The following ITIH5 variants were observed in gnomAD, a reference collection of about 807,000 sequenced individuals.
The protein encoded by ITIH5 is inter-alpha-trypsin inhibitor heavy chain H5.
In ITIH5, 65 loss-of-function variants were observed where a neutral mutation model predicts 77.5. The ratio of observed to expected loss-of-function variants is 0.84; its 90% CI spans 0.69 to 1.03. The LOEUF (loss-of-function observed/expected upper bound fraction) is 1.03. ITIH5 is among the 50% of genes least tolerant of loss of function. ITIH5 has a pLI of 0.00. For synonymous variants in ITIH5, 525 were observed against 494.3 expected (o/e 1.06, Z -0.82); for missense variants, 1,208 against 1,213.1 (o/e 1.00, Z 0.06).
chr10:7,666,744 G>C (rs2131125502), intron 1 of ITIH5, 59 bp downstream of exon 1: 1 of 1,424,116 alleles, frequency 7.0e-7, no homozygotes, highest in East Asian at 2.4e-5. Context: ...CCGCGGCCGG[G>C]CCGGCGGAGG....
chr10:7,569,560 C>A, intron 12 of ITIH5, 108 bp downstream of exon 12: 1 of 642,024 alleles, frequency 1.6e-6, no homozygotes, highest in Non-Finnish European at 2.7e-6. Flanking sequence ...ACTCACTGAG[C>A]GTCTGTAAGG....
intron 5 of ITIH5, among the ~76,000 whole-genome samples, chr10:7,636,877 C>A (rs755888200): frequency 7.9e-5 from 12 of 151,988 alleles, no homozygotes; most frequent in Non-Finnish European, 1.8e-4. Flanking sequence ...CATGGTGAAA[C>A]CCCGTCTCGA....
chr10:7,564,725 G>A (rs533673960), intron 13 of ITIH5, among the ~76,000 whole-genome samples: 8 of 151,316 alleles, frequency 5.3e-5, no homozygotes, highest in South Asian at 2.1e-4. Flanking sequence ...TGTGTGTGTC[G>A]GTGGGTGTGA....
intron 2 of ITIH5, among the ~76,000 whole-genome samples, chr10:7,646,970 C>T (rs1321179474): frequency 6.6e-6 from 1 of 152,228 alleles, no homozygotes; most frequent in African/African-American, 2.4e-5. Context: ...AGACCCCCAT[C>T]TCCATGGGAG....
intron 2 of ITIH5, among the ~76,000 whole-genome samples, chr10:7,654,859 G>C (rs898036484): frequency 3.3e-5 from 5 of 152,066 alleles, no homozygotes; most frequent in Non-Finnish European, 5.9e-5. Context: ...TGAACATGGA[G>C]AAAACATGAA....
chr10:7,566,844 GGAAGAAGAAGAAGAA>G (rs576015885), intron 12 of ITIH5, among the ~76,000 whole-genome samples: 1,060 of 17,686 alleles, frequency 0.06, 64 homozygotes, highest in Middle Eastern at 0.13. Context: ...AAGAGGAAGA[GGAAGAAGAAGAAGAA>G]GAAGAAGAAG....
intron 11 of ITIH5, chr10:7,572,063 A>G: frequency 2.0e-6 from 2 of 1,017,632 alleles, no homozygotes; most frequent in Non-Finnish European, 1.2e-6. Context: ...TCAAAAAGTC[A>G]TTACTCCAGG....
chr10:7,656,899 A>T (rs531469286), intron 1 of ITIH5, among the ~76,000 whole-genome samples: 1 of 151,538 alleles, frequency 6.6e-6, no homozygotes, highest in Admixed American at 6.6e-5. Context: ...GCCTGCCACT[A>T]CGCCCCGCTA....
intron 5 of ITIH5, chr10:7,622,309 C>G (rs1307375880): frequency 6.6e-6 from 1 of 152,144 alleles, no homozygotes; most frequent in Non-Finnish European, 1.5e-5. Context: ...GTGACTGAAT[C>G]AAAACGACTG....
rs745312989 is a variant in ITIH5 at position 7,622,829 on chromosome 10, A to G, written c.653-5547T>C. ...GTAAATGTACATTTTTTTCTGAAGA[A>G]AGGATGCATTGATTTTGCCACATTC... On this transcript the variant is annotated intron_variant, in intron 5 of 13. Coordinates refer to ENST00000397146, the MANE Select transcript of ITIH5 (RefSeq NM_030569.7). Among the ~76,000 whole-genome samples the G allele has an allele frequency of 2.0e-5, 3 of 152,218 alleles. No individual in the cohort carries two copies. In the South Asian group the frequency reaches 6.2e-4, roughly 32 times the overall value.
At chr10:7,596,727 C>G (rs555036247) in intron 7 of ITIH5, among the ~76,000 whole-genome samples, 1 of 151,988 alleles carries the variant, frequency 6.6e-6, no homozygotes, top group Admixed American at 6.6e-5. Context: ...AAGGGAAAGA[C>G]CTAAGATGAA....
chr10:7,606,116 C>T (rs532153150), intron 7 of ITIH5, among the ~76,000 whole-genome samples: 57 of 152,232 alleles, frequency 3.7e-4, no homozygotes, highest in African/African-American at 1.3e-3. Flanking sequence ...ATGCGGGCAA[C>T]GTTGCAGAGA....
At chr10:7,648,560 G>A (rs529466974) in intron 2 of ITIH5, among the ~76,000 whole-genome samples, 1 of 152,288 alleles carries the variant, frequency 6.6e-6, no homozygotes, top group South Asian at 2.1e-4. Flanking sequence ...GTATTAAGTT[G>A]ACATCTTAGA....
At position 7,617,187 on chromosome 10, in the gene ITIH5, C is replaced by A; in HGVS notation, c.748G>T (p.Ala250Ser). The stretch of plus-strand genomic sequence containing the variant: ...AAGTCTCCCAAAATTCCATTCTGGG[C>A]AATCCTGGCTTGTTGTACTACAGTA... ...KPTVVQQARI[A>S]QNGILGDFII... The change falls in exon 6 of 14, where the codon GCC becomes TCC. Residue 250 changes from alanine (A) to serine (S), a missense_variant. Ala to Ser is a moderately conservative substitution (Grantham distance 99). Transcript: ENST00000397146. The A allele has an allele frequency of 1.9e-6, 3 of 1,607,226 alleles. No homozygotes were observed. The highest frequency in any genetic ancestry group is 2.5e-6 in the Non-Finnish European group (3 of 1,177,098).
intron 12 of ITIH5, among the ~76,000 whole-genome samples, chr10:7,568,614 C>T (rs1832233640): frequency 6.6e-6 from 1 of 152,196 alleles, no homozygotes; most frequent in Non-Finnish European, 1.5e-5. Flanking sequence ...ATAATTGCAT[C>T]ACACATATCA....
intron 5 of ITIH5, among the ~76,000 whole-genome samples, chr10:7,631,961 ATT>A (rs34105815): frequency 0.33 from 45,616 of 139,320 alleles, 7,218 homozygotes; most frequent in South Asian, 0.38. Context: ...TAATTTTTGT[ATT>A]TTTTTTTTTT....
intron 7 of ITIH5, among the ~76,000 whole-genome samples, chr10:7,602,954 T>C (rs1384816261): frequency 1.3e-5 from 2 of 152,188 alleles, no homozygotes; most frequent in East Asian, 1.9e-4. Context: ...CCGTGTCTCA[T>C]AGCTTCCGTG....
At chr10:7,563,429 AC>A (rs1468925278) in intron 13 of ITIH5, 45 bp from the exon 14 acceptor site, 1 of 1,559,668 alleles carries the variant, frequency 6.4e-7, no homozygotes, top group Admixed American at 1.8e-5. Context: ...AAATGCAGAA[AC>A]CTCGTGCTGA....
At chr10:7,637,170 A>G (rs1833811315) in intron 5 of ITIH5, 58 bp downstream of exon 5, 8 of 1,557,644 alleles carry the variant, frequency 5.1e-6, no homozygotes, top group East Asian at 2.3e-5. Context: ...CTCCGAAGCC[A>G]AGGACCAGCT....
Sources: allele counts gnomAD v4.1 joint callset (sites outside exome capture counted in the v4.1 genomes callset), GRCh38; gene constraint gnomAD v4.1.1; transcripts MANE v1.5; gene names NCBI Gene and HGNC (gene_info 2026-07-23, HGNC 2026-07-21).